Variants in SIN3B observed in about 807,000 individuals in gnomAD.
SIN3B encodes paired amphipathic helix protein Sin3b.
Under a neutral mutation model 120.2 loss-of-function variants are expected in SIN3B, and 19 were observed. The observed-to-expected ratio is 0.16, with a 90% CI of 0.11 to 0.23. The LOEUF is 0.23. Ranked by LOEUF, SIN3B falls within the 10% of genes least tolerant of loss-of-function variation. SIN3B has a pLI of 1.00. For missense variants in SIN3B, 1,073 were observed against 1,573.0 expected (o/e 0.68, Z 5.38); for synonymous variants, 654 against 653.2 (o/e 1.00, Z -0.02).
chr19:16,869,371 G>A, intron 12 of SIN3B, 89 bp from the exon 13 acceptor site: 2 of 1,462,054 alleles, frequency 1.4e-6, no homozygotes, highest in Non-Finnish European at 1.8e-6. Flanking sequence ...CACCTTGGTG[G>A]CCCAGTTAAC....
intron 5 of SIN3B, among the ~76,000 whole-genome samples, chr19:16,848,949 T>C (rs1971512291): frequency 6.6e-6 from 1 of 152,236 alleles, no homozygotes; most frequent in Admixed American, 6.5e-5. Flanking sequence ...ATGGTTTCTT[T>C]AAGTGGCATT....
In SIN3B at chr19:16,847,022, A is replaced by T; in HGVS notation, c.635A>T (p.Glu212Val). 1 of 1,614,142 alleles carries T rather than the reference A, an allele frequency of 6.2e-7. No homozygotes were observed. Among genetic ancestry groups the T allele is most frequent in the Non-Finnish European group, 8.5e-7 (1 of 1,179,998 alleles). ...CCATTCCGAGGCATGTCTGAAGAGG[A>T]GGTGTTCACCGAGGTGGCCAACCTC... Reference protein sequence around the residue: ...GRPFRGMSEEEVFTEVANLFR... With the variant: ...GRPFRGMSEEVVFTEVANLFR... The change falls in exon 5 of 19, where the codon GAG (glutamate) becomes GTG (valine). Residue 212 changes from glutamate (E) to valine (V), a missense_variant. This residue lies in a region of SIN3B where 395 missense variants were observed against 528.0 expected (regional missense o/e 0.75). Coordinates refer to ENST00000248054, the MANE Select transcript of SIN3B (RefSeq NM_001297595.2).
chr19:16,878,924 C>A lies in SIN3B; in HGVS notation c.*197C>A. On this transcript the variant is annotated 3_prime_UTR_variant, in exon 19 of 19. Transcript: ENST00000248054. ...GGGCCTGCTGTGTGCCAAACCTGAG[C>A]TACCTGCACCCGAGCCCTGGGGCTC... 1.7e-6 allele frequency: 1 copy of A among 590,292 alleles called. No individual in the cohort carries two copies. Among genetic ancestry groups the A allele is most frequent in the Non-Finnish European group, 3.0e-6 (1 of 337,452 alleles). 36.6% of individuals were successfully genotyped at this position (590,292 alleles called of 1,614,324 possible). A position where few individuals can be genotyped will look rare whatever the true frequency, so the allele number is the denominator to read the frequency against.
At chr19:16,854,473 C>A (rs537865170) in intron 8 of SIN3B, 1 of 525,906 alleles carries the variant, frequency 1.9e-6, no homozygotes, top group South Asian at 2.3e-5. Flanking sequence ...TTACCAGTAA[C>A]ATCTGTAGTC....
intron 4 of SIN3B, among the ~76,000 whole-genome samples, chr19:16,844,491 C>T (rs1232500782): frequency 6.6e-6 from 1 of 152,158 alleles, no homozygotes; most frequent in Non-Finnish European, 1.5e-5. Context: ...CTCAGGTCAC[C>T]CCTGGGTAAC....
intron 8 of SIN3B, among the ~76,000 whole-genome samples, chr19:16,859,148 T>C (rs1037245011): frequency 1.3e-5 from 2 of 151,768 alleles, no homozygotes; most frequent in Non-Finnish European, 2.9e-5. Flanking sequence ...AGAACCTGTC[T>C]CAAAAAAAAA....
At chr19:16,871,489 A>C in intron 14 of SIN3B, 91 bp downstream of exon 14, 1 of 1,239,092 alleles carries the variant, frequency 8.1e-7, no homozygotes. Flanking sequence ...GCCCGTGGTC[A>C]GCACAGCAAA....
chr19:16,871,362 C>T lies in SIN3B; in HGVS notation c.2556C>T (p.Phe852=). 1 of 1,613,412 alleles carries T rather than the reference C, an allele frequency of 6.2e-7. No homozygotes were observed. The highest frequency in any genetic ancestry group is 8.5e-7 in the Non-Finnish European group (1 of 1,179,730). The stretch of plus-strand genomic sequence containing the variant: ...TCACCATCCATGCCTACGTGGGCTT[C>T]ACCATGGACAAGCTGGTGCAGAACA... The part of the protein sequence containing the change: ...EMFTIHAYVG[F]TMDKLVQNIA... Residue 852 remains phenylalanine (F), a synonymous_variant, in exon 14 of 19, where the codon TTC becomes TTT. Transcript: ENST00000248054.
rs142667972 is a variant in SIN3B at position 16,837,873 on chromosome 19, T to C, written c.382-3895T>C. ...GCTGAGGTGCATAAGGCCAGGGCAG[T>C]TGGGGGGCTGCTATGTGTCTGTGCG... is the stretch of plus-strand genomic sequence containing the variant. On this transcript the variant is annotated intron_variant, in intron 3 of 18. Coordinates refer to ENST00000248054, the MANE Select transcript of SIN3B (RefSeq NM_001297595.2). Among the ~76,000 whole-genome samples, 101 of 152,076 alleles carry C rather than the reference T, an allele frequency of 6.6e-4. 2 individuals are homozygous for C. The East Asian group carries it at 0.016, about 24-fold the overall frequency.
intron 17 of SIN3B, 105 bp from the exon 18 acceptor site, chr19:16,878,078 G>A: frequency 1.1e-6 from 1 of 932,134 alleles, no homozygotes; most frequent in Non-Finnish European, 1.6e-6. Context: ...CCCCTGGGAG[G>A]TAGCACATCT....
At chr19:16,839,519 TGCCTCCTTGGAATG>T (rs1971390234) in intron 3 of SIN3B, among the ~76,000 whole-genome samples, 1 of 152,110 alleles carries the variant, frequency 6.6e-6, no homozygotes, top group South Asian at 2.1e-4. Flanking sequence ...AGCTTGGAAA[TGCCTCCTTGGAATG>T]GTGGGGGGCT....
At chr19:16,835,280 G>A (rs1360792239) in intron 3 of SIN3B, among the ~76,000 whole-genome samples, 1 of 148,812 alleles carries the variant, frequency 6.7e-6, no homozygotes, top group Non-Finnish European at 1.5e-5. Flanking sequence ...CCAGGCTGGA[G>A]TGCAATGGCA....
rs756297307 is a variant in SIN3B at position 16,831,555 on chromosome 19, A to G, written c.289A>G (p.Ile97Val). Residue 97 changes from isoleucine (I) to valine (V), a missense_variant, in exon 3 of 19, where the codon ATT becomes GTT. Ile to Val is a conservative substitution (Grantham distance 29). Around this residue, in one of 7 missense-constraint regions of SIN3B, gnomAD observed 395 missense variants for 528.0 expected, o/e 0.75. Coordinates refer to ENST00000248054, the MANE Select transcript of SIN3B (RefSeq NM_001297595.2). ...GCTCTTCCACGAGCACCCTGACCTC[A>G]TTGTTGGATTCAACGCTTTTCTTCC... ...SQLFHEHPDL[I>V]VGFNAFLPLG... The G allele has an allele frequency of 3.1e-6, 5 of 1,614,014 alleles. No individual in the cohort carries two copies. Among genetic ancestry groups the G allele is most frequent in the Non-Finnish European group, 4.2e-6 (5 of 1,179,946 alleles).
At chr19:16,870,639 G>C (rs954809240) in intron 13 of SIN3B, among the ~76,000 whole-genome samples, 5 of 151,812 alleles carry the variant, frequency 3.3e-5, no homozygotes, top group Non-Finnish European at 7.4e-5. Flanking sequence ...TGCAGCCTCC[G>C]CCTCCCAGGT....
At chr19:16,856,890 G>C (rs1358391130) in intron 8 of SIN3B, among the ~76,000 whole-genome samples, 1 of 152,076 alleles carries the variant, frequency 6.6e-6, no homozygotes, top group African/African-American at 2.4e-5. Context: ...TTTTTTTAAT[G>C]GTTCTTGCAC....
intron 6 of SIN3B, among the ~76,000 whole-genome samples, chr19:16,852,210 T>C (rs1399576773): frequency 6.6e-6 from 1 of 151,904 alleles, no homozygotes; most frequent in Admixed American, 6.6e-5. Context: ...CACTGCAAGC[T>C]CCGCCTCCCG....
At chr19:16,865,760 T>A in intron 11 of SIN3B, 112 bp downstream of exon 11, 1 of 710,168 alleles carries the variant, frequency 1.4e-6, no homozygotes, top group South Asian at 1.9e-5. Flanking sequence ...TAGTGCTGTT[T>A]GTCAACAGGT....
chr19:16,873,138 C>G (rs994962952), intron 14 of SIN3B, among the ~76,000 whole-genome samples: 1 of 150,506 alleles, frequency 6.6e-6, no homozygotes, highest in Non-Finnish European at 1.5e-5. Context: ...TCGGTGGGCT[C>G]ACGTTGCATT....
intron 8 of SIN3B, among the ~76,000 whole-genome samples, chr19:16,859,876 G>A (rs1029764698): frequency 2.0e-5 from 3 of 152,138 alleles, no homozygotes; most frequent in East Asian, 1.9e-4. Context: ...CAGCGGGCAC[G>A]TGACCACCCC....
Sources: gnomAD v4.1 joint callset for allele counts (sites outside exome capture counted in the v4.1 genomes callset) on GRCh38, gnomAD v4.1.1 for gene constraint, gnomAD v4.1.1 regional missense constraint, MANE v1.5 for transcripts, NCBI Gene and HGNC (gene_info 2026-07-23, HGNC 2026-07-21) for gene names.